Variants in NEBL observed in about 807,000 individuals in gnomAD.
The protein encoded by NEBL is LIM and SH3 protein 2.
NEBL carries 122 observed loss-of-function variants against 140.2 expected under a neutral mutation model. The ratio of observed to expected loss-of-function variants is 0.87; its 90% CI spans 0.75 to 1.01. The LOEUF is 1.01. Among genes scored for constraint, NEBL ranks in the 50% least tolerant of loss-of-function variants. The pLI is 0.00. For missense variants in NEBL, 1,365 were observed against 1,231.3 expected (o/e 1.11, Z -1.62); for synonymous variants, 436 against 398.9 (o/e 1.09, Z -1.11).
rs77686523 is a variant in NEBL, at chr10:21,046,898, G to A, written c.165-26697C>T. ...ATTACAGGCATGAGCCACCGCGCCC[G>A]GCCCCTAACCTCAATATTTTTATCA... On this transcript the variant is annotated intron_variant, in intron 2 of 6. Coordinates refer to the NEBL transcript ENST00000417816. Among the ~76,000 whole-genome samples, 539 of 152,174 alleles carry A rather than the reference G, an allele frequency of 3.5e-3. 3 individuals carry two copies. The highest frequency in any genetic ancestry group is 0.012 in the African/African-American group (511 of 41,518).
chr10:20,922,552 C>G (rs1374094763), intron 4 of NEBL, among the ~76,000 whole-genome samples: 1 of 152,178 alleles, frequency 6.6e-6, no homozygotes, highest in Non-Finnish European at 1.5e-5. Flanking sequence ...TGCATCAAAG[C>G]CATTATGGAC....
chr10:21,073,571 T>G (rs1033366027), intron 2 of NEBL, among the ~76,000 whole-genome samples: 1 of 137,866 alleles, frequency 7.3e-6, no homozygotes, highest in Non-Finnish European at 1.5e-5. Flanking sequence ...GAGCCTAGAA[T>G]GCACCAGTAC....
intron 12 of NEBL, chr10:20,841,335 A>C (rs2130976561): frequency 6.0e-6 from 1 of 167,416 alleles, no homozygotes; most frequent in South Asian, 1.5e-4. Flanking sequence ...GGTCATTCCA[A>C]AATTATAAGC....
rs574528283 is a variant in NEBL at position 21,079,500 on chromosome 10, G to A, written c.165-59299C>T. Among the ~76,000 whole-genome samples the A allele has an allele frequency of 6.6e-4, 101 of 152,256 alleles. No homozygotes were observed. The Middle Eastern group carries it at 0.014, about 21-fold the overall frequency. Reference sequence around the variant, plus strand: ...GGGCACACAGAATTTGTGGATCCAGGACTGGAGCTTCAACCTTTTCTCCAA... The same window carrying A: ...GGGCACACAGAATTTGTGGATCCAGAACTGGAGCTTCAACCTTTTCTCCAA... On this transcript the variant is annotated intron_variant, in intron 2 of 6. Transcript: ENST00000417816.
intron 2 of NEBL, among the ~76,000 whole-genome samples, chr10:21,118,325 C>T (rs2132036637): frequency 6.6e-6 from 1 of 152,328 alleles, no homozygotes; most frequent in Admixed American, 6.5e-5. Flanking sequence ...TGGCCTGCTT[C>T]CCTGAGAAGG....
rs555615107 is a variant in NEBL, at chr10:21,232,683, G to A, written n.348+15238C>T. 7.9e-5 allele frequency among the ~76,000 whole-genome samples: 12 copies of A among 152,332 alleles called. No individual in the cohort carries two copies. The South Asian group carries it at 1.2e-3, about 16-fold the overall frequency. On this transcript the variant is annotated intron_variant and non_coding_transcript_variant, in intron 3 of 8. Coordinates refer to the NEBL transcript ENST00000675702. ...GCAGATCTGATGAGGCGGAGCTCAC[G>A]TGGTAATTCAAGTGATGGGGAGACA...
At chr10:20,876,597 T>A (rs981516956) in intron 5 of NEBL, among the ~76,000 whole-genome samples, 45 of 152,290 alleles carry the variant, frequency 3.0e-4, no homozygotes, top group South Asian at 1.2e-3. Context: ...GAACAGTAAG[T>A]CTTTCATTTC....
At chr10:20,848,482 C>A (rs1228148375) in intron 11 of NEBL, among the ~76,000 whole-genome samples, 1 of 152,144 alleles carries the variant, frequency 6.6e-6, no homozygotes, top group East Asian at 1.9e-4. Context: ...GACCATGGAC[C>A]AATATCAACC....
chr10:20,955,664 T>C (rs1460970278), intron 4 of NEBL, among the ~76,000 whole-genome samples: 1 of 152,102 alleles, frequency 6.6e-6, no homozygotes, highest in African/African-American at 2.4e-5. Context: ...CCATGGAAAG[T>C]ATTTTAGTGG....
chr10:21,226,229 C>T (rs548610675), intron 3 of NEBL, among the ~76,000 whole-genome samples: 1 of 151,948 alleles, frequency 6.6e-6, no homozygotes, highest in South Asian at 2.1e-4. Flanking sequence ...GGTGCTTTAT[C>T]CTACTGTGGC....
rs1842620598 is a variant in NEBL, at chr10:21,253,823, C to T, written n.183-1995G>A. Among the ~76,000 whole-genome samples the T allele has an allele frequency of 2.0e-5, 3 of 152,196 alleles. No individual in the cohort carries two copies. The South Asian group carries it at 6.2e-4, about 32-fold the overall frequency. On this transcript the variant is annotated intron_variant and non_coding_transcript_variant, in intron 1 of 8. Transcript: ENST00000675702. ...TCTCCCAAAGTACTGGGATTACAGG[C>T]ATGAGCCACTCGCACCTGGCCAAAA... is the stretch of plus-strand genomic sequence containing the variant.
chr10:21,028,235 C>CAA (rs1168946872), intron 2 of NEBL, among the ~76,000 whole-genome samples: 679 of 66,168 alleles, frequency 0.01, 10 homozygotes, highest in Non-Finnish European at 0.014. Context: ...TCAAACATCT[C>CAA]AAAAAAAAAA....
At chr10:21,284,243 A>G (rs1843028787) in intron 1 of NEBL, among the ~76,000 whole-genome samples, 1 of 88,448 alleles carries the variant, frequency 1.1e-5, no homozygotes, top group Non-Finnish European at 2.5e-5. Flanking sequence ...ACGAAAATGA[A>G]GTGGCTTGAA....
intron 3 of NEBL, among the ~76,000 whole-genome samples, chr10:20,975,591 CT>C (rs1235602954): frequency 6.2e-4 from 94 of 152,200 alleles, no homozygotes; most frequent in African/African-American, 2.2e-3. Flanking sequence ...TTTGTTATTT[CT>C]TTGAATTGTT....
intron 3 of NEBL, among the ~76,000 whole-genome samples, chr10:21,191,340 A>T (rs1841570417): frequency 6.6e-6 from 1 of 152,222 alleles, no homozygotes; most frequent in South Asian, 2.1e-4. Flanking sequence ...AAAATGAGGC[A>T]CACAGTGTAT....
chr10:20,927,998 C>T (rs867864847), intron 4 of NEBL, among the ~76,000 whole-genome samples: 9 of 152,076 alleles, frequency 5.9e-5, no homozygotes, highest in Non-Finnish European at 8.8e-5. Context: ...TTTAATCTAA[C>T]GAAATGAACT....
intron 2 of NEBL, among the ~76,000 whole-genome samples, chr10:21,060,838 T>C (rs1311470857): frequency 6.6e-6 from 1 of 152,186 alleles, no homozygotes; most frequent in African/African-American, 2.4e-5. Context: ...GTTCTCATCC[T>C]ATTTGCTCAG....
chr10:20,938,693 A>T (rs1273772896), intron 4 of NEBL, among the ~76,000 whole-genome samples: 1 of 152,216 alleles, frequency 6.6e-6, no homozygotes, highest in African/African-American at 2.4e-5. Flanking sequence ...AACTTGAAAA[A>T]AAATTAGACG....
intron 2 of NEBL, among the ~76,000 whole-genome samples, chr10:21,068,864 A>G (rs959890021): frequency 3.9e-5 from 6 of 152,080 alleles, no homozygotes; most frequent in Non-Finnish European, 7.4e-5. Flanking sequence ...ACATTGTCTC[A>G]TCTTCATCAT....
Sources: allele counts gnomAD v4.1 joint callset (sites outside exome capture counted in the v4.1 genomes callset), GRCh38; gene constraint gnomAD v4.1.1; transcripts MANE v1.5; gene names NCBI Gene and HGNC (gene_info 2026-07-23, HGNC 2026-07-21).